The following FARP2 variants were observed in gnomAD, a reference collection of about 807,000 sequenced individuals.
FARP2 encodes the protein FERM, ARH/RhoGEF and pleckstrin domain protein 2.
A neutral mutation model predicts 130.5 loss-of-function variants in FARP2; 111 were observed. The ratio of observed to expected loss-of-function variants is 0.85; its 90% CI spans 0.73 to 1.00. The LOEUF (loss-of-function observed/expected upper bound fraction) is 1.00, where lower values mean the gene tolerates loss of function less well. FARP2 is among the 50% of genes least tolerant of loss of function. FARP2 has a pLI of 0.00. For missense variants in FARP2, 1,385 were observed against 1,346.3 expected, an observed-to-expected ratio of 1.03 and a Z score of -0.45; for synonymous variants, 504 against 516.9, an observed-to-expected ratio of 0.98 and a Z score of 0.34.
chr2:241,419,718 C>T (rs968352050), intron 8 of FARP2, among the ~76,000 whole-genome samples: 1 of 152,124 alleles, frequency 6.6e-6, no homozygotes, highest in African/African-American at 2.4e-5. Context: ...TCCCAGGAGC[C>T]CCAGAAAGGG....
chr2:241,407,889 A>G (rs1346198855), intron 5 of FARP2, among the ~76,000 whole-genome samples: 3 of 152,352 alleles, frequency 2.0e-5, no homozygotes, highest in African/African-American at 7.2e-5. Context: ...TTCCAAATGA[A>G]CATAGATTTA....
rs556967504 is a variant in FARP2, at chr2:241,403,861, G to A, written c.217G>A (p.Val73Met). 7.4e-6 allele frequency: 12 copies of A among 1,613,814 alleles called. No homozygotes were observed. In the South Asian group the frequency reaches 1.3e-4, roughly 18 times the overall value. ...KCDGQVLLTQ[V>M]WKRLNLVECD... ...CGATGGCCAGGTATTACTGACACAA[G>A]TGTGGAAGCGTTTAAACCTGGTAGA... is the stretch of plus-strand genomic sequence containing the variant. The change falls in exon 3 of 27, where the codon GTG becomes ATG. Residue 73 changes from valine to methionine, a missense_variant. Val to Met is a conservative substitution (Grantham distance 21). Transcript: ENST00000264042.
chr2:241,406,257 G>A (rs571307397), intron 4 of FARP2, among the ~76,000 whole-genome samples: 20 of 149,972 alleles, frequency 1.3e-4, no homozygotes, highest in African/African-American at 3.9e-4. Flanking sequence ...GCAGTGAGCC[G>A]AGATCACGTC....
chr2:241,491,989 G>A (rs1046238675), intron 24 of FARP2, among the ~76,000 whole-genome samples: 10 of 152,150 alleles, frequency 6.6e-5, no homozygotes, highest in Admixed American at 1.3e-4. Context: ...GCAGCCCCCC[G>A]TCCCAGTGCC....
chr2:241,437,670 A>ATTTTTTTTTTTTTTT (rs763025047), intron 12 of FARP2, among the ~76,000 whole-genome samples: 1 of 133,112 alleles, frequency 7.5e-6, no homozygotes, highest in Admixed American at 9.2e-5. Context: ...TTATTTATTT[A>ATTTTTTTTTTTTTTT]TTTTTTTTTT....
intron 1 of FARP2, among the ~76,000 whole-genome samples, chr2:241,360,635 C>T (rs1341379389): frequency 2.7e-5 from 4 of 147,796 alleles, no homozygotes; most frequent in Non-Finnish European, 4.4e-5. Context: ...GATCACGCCA[C>T]TGCACTCCAG....
At position 241,468,233 on chromosome 2, in the gene FARP2, G is replaced by A. The variant is rs2064224358; in HGVS notation, c.1987G>A (p.Glu663Lys). ...TAAGAAGTTGGAGGCAGTGTACAAG[G>A]AGTTTGAGCTGCAGAAGGTCTGCTA... ...RCKKLEAVYK[E>K]FELQKVCYLP... The change falls in exon 18 of 27, where the codon GAG (glutamate) becomes AAG (lysine). Residue 663 changes from glutamate to lysine, a missense_variant. Physicochemically the swap from Glu to Lys is moderately conservative, Grantham distance 56 (BLOSUM62 1). Transcript: ENST00000264042. 4 of 1,613,986 alleles carry A rather than the reference G, an allele frequency of 2.5e-6. No homozygotes were observed. The highest frequency in any genetic ancestry group is 3.3e-5 in the Admixed American group (2 of 60,010).
At chr2:241,443,039 G>T in intron 13 of FARP2, 1 of 203,366 alleles carries the variant, frequency 4.9e-6, no homozygotes, top group Non-Finnish European at 9.9e-6. Flanking sequence ...GGGAAAGATG[G>T]CCATAGGCCA....
chr2:241,454,011 C>T (rs938298947), intron 13 of FARP2, among the ~76,000 whole-genome samples: 2 of 151,858 alleles, frequency 1.3e-5, no homozygotes, highest in African/African-American at 4.8e-5. Flanking sequence ...GTCTCGAACT[C>T]CTGACCTCGT....
rs2065038103 is a variant in FARP2 at position 241,494,107 on chromosome 2, CAG to C, written c.3148_3149del (p.Arg1050GlyfsTer132). On this transcript the variant is annotated frameshift_variant, in exon 27 of 27. Transcript: ENST00000264042. LOFTEE classifies it high-confidence loss of function. The surrounding 1 kb of genome is among the most constrained non-coding windows in gnomAD (Gnocchi z 4.9). ...QPSSGLEGMV[R>X]GKEE ...CCTCCTCAGGGCTGGAGGGGATGGT[CAG>C]GGGGAAGGAGGAATGACGCTCAACC... is the stretch of plus-strand genomic sequence containing the variant. 2.0e-6 allele frequency: 3 copies of C among 1,477,060 alleles called. No homozygotes were observed. Among genetic ancestry groups the C allele is most frequent in the African/African-American group, 1.5e-5 (1 of 67,532 alleles). The allele number at this position is 1,477,060 out of a possible 1,614,324, so 91.5% of individuals were successfully genotyped here.
chr2:241,415,889 A>G (rs927510752), intron 7 of FARP2, among the ~76,000 whole-genome samples: 1 of 152,098 alleles, frequency 6.6e-6, no homozygotes, highest in Non-Finnish European at 1.5e-5. Flanking sequence ...AGATTCAAGT[A>G]CACTGAAAGT....
chr2:241,411,758 G>T (rs936870543), intron 6 of FARP2, among the ~76,000 whole-genome samples: 6 of 152,190 alleles, frequency 3.9e-5, no homozygotes, highest in African/African-American at 7.2e-5. Context: ...TCTGAAATTT[G>T]AATCCAGGAA....
intron 2 of FARP2, among the ~76,000 whole-genome samples, chr2:241,379,631 C>T (rs978185121): frequency 6.6e-6 from 1 of 152,150 alleles, no homozygotes; most frequent in South Asian, 2.1e-4. Flanking sequence ...TTCATTCTGG[C>T]AGGAAGAAAT....
Position 241,492,534 on chromosome 2 carries a change from G to T in FARP2, c.2788-395G>T, listed in dbSNP as rs76205141. 801 of 170,502 alleles carry T rather than the reference G, an allele frequency of 4.7e-3. 6 individuals carry two copies. The highest frequency in any genetic ancestry group is 0.018 in the African/African-American group (767 of 42,006). 10.6% of individuals were successfully genotyped at this position (170,502 alleles called of 1,614,324 possible). ...ATGCCACATGCTTAGGGACAGGGCTGCAGTGGGGCATCTTGTGTGTGCCTT... is the reference window on the plus strand; with the variant it reads ...ATGCCACATGCTTAGGGACAGGGCTTCAGTGGGGCATCTTGTGTGTGCCTT... On this transcript the variant is annotated intron_variant, in intron 24 of 26. Transcript: ENST00000264042.
At chr2:241,446,551 A>G (rs565916261) in intron 13 of FARP2, 2 of 152,230 alleles carry the variant, frequency 1.3e-5, no homozygotes, top group Non-Finnish European at 2.9e-5. Flanking sequence ...GGTGACATAC[A>G]TAGCATGTGT....
chr2:241,455,735 C>CTTTTTTTTTTT (rs1180839402), intron 13 of FARP2, among the ~76,000 whole-genome samples: 1 of 94,776 alleles, frequency 1.1e-5, no homozygotes, highest in Admixed American at 1.4e-4. Context: ...CTAAAGTTTT[C>CTTTTTTTTTTT]TTTTTTTTTT....
At chr2:241,407,468 GT>G in intron 4 of FARP2, 68 bp from the exon 5 acceptor site, 3 of 1,130,560 alleles carry the variant, frequency 2.7e-6, no homozygotes, top group Non-Finnish European at 4.0e-6. Flanking sequence ...CAGTTATACA[GT>G]AATATATGAA....
At chr2:241,404,969 C>T (rs529485025) in intron 4 of FARP2, 128 bp downstream of exon 4, 50 of 622,792 alleles carry the variant, frequency 8.0e-5, no homozygotes, top group Admixed American at 7.9e-4. Flanking sequence ...TCACCAATAG[C>T]GGACAAACTT....
chr2:241,369,571 ACTTT>A (rs1559705158), intron 1 of FARP2, among the ~76,000 whole-genome samples: 1 of 151,982 alleles, frequency 6.6e-6, no homozygotes, highest in East Asian at 1.9e-4. Flanking sequence ...TTTAGACATG[ACTTT>A]CTTATAATGA....
Sources: allele counts gnomAD v4.1 joint callset (sites outside exome capture counted in the v4.1 genomes callset), GRCh38; gene constraint gnomAD v4.1.1; non-coding constraint Gnocchi (gnomAD v3.1); transcripts MANE v1.5; gene names NCBI Gene and HGNC (gene_info 2026-07-23, HGNC 2026-07-21).